Variants in TRAF3 observed in about 807,000 individuals in gnomAD.
TRAF3 encodes the protein TNF receptor associated factor 3.
In TRAF3, 13 loss-of-function variants were observed where a neutral mutation model predicts 62.3. The observed-to-expected ratio is 0.21, with a 90% CI of 0.14 to 0.33. The LOEUF (loss-of-function observed/expected upper bound fraction) is 0.33. Ranked by LOEUF, TRAF3 falls within the 10% of genes least tolerant of loss-of-function variation. The pLI is 1.00. For synonymous variants in TRAF3, 269 were observed against 283.4 expected (o/e 0.95, Z 0.51); for missense variants, 440 against 741.8 (o/e 0.59, Z 4.73).
chr14:102,813,599 C>T (rs1483704156), intron 1 of TRAF3, among the ~76,000 whole-genome samples: 8 of 151,896 alleles, frequency 5.3e-5, no homozygotes, highest in African/African-American at 1.5e-4. Context: ...TACAGGCGCA[C>T]ACCACCACGA....
intron 1 of TRAF3, among the ~76,000 whole-genome samples, chr14:102,811,607 C>A (rs1334254022): frequency 8.2e-6 from 1 of 121,816 alleles, no homozygotes; most frequent in Non-Finnish European, 1.6e-5. Flanking sequence ...GAGGTCAGAT[C>A]TCTTGTCTCA....
intron 2 of TRAF3, among the ~76,000 whole-genome samples, chr14:102,848,423 G>T (rs1886845154): frequency 6.6e-6 from 1 of 152,026 alleles, no homozygotes; most frequent in African/African-American, 2.4e-5. Context: ...CCAAGACCCT[G>T]TCCCTTTAAA....
intron 1 of TRAF3, among the ~76,000 whole-genome samples, chr14:102,824,523 G>T (rs989764549): frequency 2.6e-5 from 4 of 152,218 alleles, no homozygotes; most frequent in African/African-American, 9.6e-5. Flanking sequence ...TTTCCCTTCA[G>T]GCGGAATGCC....
chr14:102,903,955 TG>T lies in TRAF3; in HGVS notation c.1135+527del, dbSNP rs1168868166. ...AAGGAACACAGATTACCGGTGTGTG[TG>T]TGGGGCCGGATGAAGCAGGCAGAGA... On this transcript the variant is annotated intron_variant, in intron 11 of 11. Coordinates refer to ENST00000392745, the MANE Select transcript of TRAF3 (RefSeq NM_145725.3). The surrounding 1 kb of genome is among the most constrained non-coding windows in gnomAD (Gnocchi z 6.4). 4 of 376,012 alleles carry T rather than the reference TG, an allele frequency of 1.1e-5. No individual in the cohort carries two copies. In the East Asian group the frequency reaches 2.9e-4, roughly 28 times the overall value. 23.3% of individuals were successfully genotyped at this position (376,012 alleles called of 1,614,324 possible).
intron 2 of TRAF3, among the ~76,000 whole-genome samples, chr14:102,847,384 C>T (rs1886788216): frequency 1.3e-5 from 2 of 152,092 alleles, no homozygotes; most frequent in Admixed American, 6.5e-5. Context: ...CATATTGGCC[C>T]GGCTGGTCTC....
chr14:102,903,741 C>T lies in TRAF3; in HGVS notation c.1135+312C>T, dbSNP rs1285174475. 1 of 522,748 alleles carries T rather than the reference C, an allele frequency of 1.9e-6. No individual in the cohort carries two copies. The highest frequency in any genetic ancestry group is 3.7e-6 in the Non-Finnish European group (1 of 271,036). 32.4% of individuals were successfully genotyped at this position (522,748 alleles called of 1,614,324 possible). On this transcript the variant is annotated intron_variant, in intron 11 of 11. Transcript: ENST00000392745. This position sits in a 1 kb window ranked among gnomAD's most constrained non-coding sequence, Gnocchi z 6.4. Reference sequence around the variant, plus strand: ...GCCGCAGGGTGACCCACAGGACAGGCCCAAGCGCAGATGGCAGAGGCCAGG... The same window carrying T: ...GCCGCAGGGTGACCCACAGGACAGGTCCAAGCGCAGATGGCAGAGGCCAGG...
chr14:102,828,051 G>A (rs925759593), intron 1 of TRAF3, among the ~76,000 whole-genome samples: 1 of 152,250 alleles, frequency 6.6e-6, no homozygotes, highest in African/African-American at 2.4e-5. Context: ...ACTCGTTTCC[G>A]CATTCCCACC....
chr14:102,832,746 C>A (rs189137380), intron 2 of TRAF3, among the ~76,000 whole-genome samples: 1 of 152,236 alleles, frequency 6.6e-6, no homozygotes, highest in African/African-American at 2.4e-5. Flanking sequence ...CACACAAACA[C>A]ACTAATAGAC....
intron 5 of TRAF3, among the ~76,000 whole-genome samples, chr14:102,875,951 C>A (rs981881919): frequency 6.6e-6 from 1 of 151,882 alleles, no homozygotes; most frequent in Non-Finnish European, 1.5e-5. Context: ...CACTCCCCCC[C>A]CTACTTAGAA....
At chr14:102,847,696 A>G (rs1566772700) in intron 2 of TRAF3, among the ~76,000 whole-genome samples, 2 of 152,178 alleles carry the variant, frequency 1.3e-5, no homozygotes, top group East Asian at 3.8e-4. Flanking sequence ...TAATTTGTGT[A>G]GATTTCTTTC....
rs78650876 is a variant in TRAF3, at chr14:102,879,953, C to T, written c.570+3428C>T. On this transcript the variant is annotated intron_variant, in intron 6 of 11. Transcript: ENST00000392745. ...GCAACATAGCAAGACTCTGCCTCTA[C>T]GAAAAATAAAAATTTAGCCGGGTGT... Among the ~76,000 whole-genome samples the T allele has an allele frequency of 1.0e-3, 152 of 151,860 alleles. No individual in the cohort carries two copies. In the East Asian group the frequency reaches 0.019, roughly 19 times the overall value.
At chr14:102,822,300 G>A (rs1056216018) in intron 1 of TRAF3, among the ~76,000 whole-genome samples, 2 of 152,154 alleles carry the variant, frequency 1.3e-5, no homozygotes, top group African/African-American at 2.4e-5. Flanking sequence ...CACCATGCGA[G>A]TATTTACAAA....
intron 2 of TRAF3, among the ~76,000 whole-genome samples, chr14:102,842,900 TTATTTC>T (rs1309033265): frequency 1.3e-5 from 2 of 152,212 alleles, no homozygotes; most frequent in Non-Finnish European, 2.9e-5. Context: ...AAATTTTTAT[TTATTTC>T]AGAAGTAAAG....
At chr14:102,864,322 G>A (rs1242708186) in intron 2 of TRAF3, among the ~76,000 whole-genome samples, 4 of 151,854 alleles carry the variant, frequency 2.6e-5, no homozygotes, top group Non-Finnish European at 4.4e-5. Flanking sequence ...CTAATTTTTT[G>A]TATTTTTAGT....
At chr14:102,863,681 C>T (rs10140703) in intron 2 of TRAF3, among the ~76,000 whole-genome samples, 9,798 of 152,278 alleles carry the variant, frequency 0.064, 1,024 homozygotes, top group African/African-American at 0.22. Context: ...AAACATCTTA[C>T]TCCTCAGCTT....
At chr14:102,892,047 C>G (rs887308395) in intron 9 of TRAF3, among the ~76,000 whole-genome samples, 1 of 121,450 alleles carries the variant, frequency 8.2e-6, no homozygotes, top group East Asian at 2.3e-4. Context: ...CCATGCTGTT[C>G]TTTTTTTTTT....
chr14:102,821,927 A>C (rs1020547599), intron 1 of TRAF3, among the ~76,000 whole-genome samples: 2 of 152,162 alleles, frequency 1.3e-5, no homozygotes, highest in African/African-American at 2.4e-5. Flanking sequence ...CTGTAATCCT[A>C]GCTATTCGAG....
rs1889380528 is a variant in TRAF3, at chr14:102,886,280, C to T, written c.651+11C>T. On this transcript the variant is annotated intron_variant, in intron 7 of 11. Transcript: ENST00000392745. ...CTCCTGAGGAGCGAGGTAGGGGCGG[C>T]CGGGCCCGGCCGGGAGTCTGTGGAG... is the stretch of plus-strand genomic sequence containing the variant. The T allele has an allele frequency of 1.3e-6, 2 of 1,598,998 alleles. No individual in the cohort carries two copies. Among genetic ancestry groups the T allele is most frequent in the East Asian group, 2.3e-5 (1 of 44,360 alleles).
At chr14:102,904,401 G>C (rs1336225101) in intron 11 of TRAF3, among the ~76,000 whole-genome samples, 2 of 152,206 alleles carry the variant, frequency 1.3e-5, no homozygotes, top group African/African-American at 4.8e-5. Context: ...GTATGACTGG[G>C]CATGGTGGTG....
Sources: gnomAD v4.1 joint callset for allele counts (sites outside exome capture counted in the v4.1 genomes callset) on GRCh38, gnomAD v4.1.1 for gene constraint, Gnocchi (gnomAD v3.1) non-coding constraint, MANE v1.5 for transcripts, NCBI Gene and HGNC (gene_info 2026-07-23, HGNC 2026-07-21) for gene names.